F3: variants seen among roughly 807,000 people sequenced by gnomAD.
The protein encoded by F3 is tissue factor.
Under a neutral mutation model 33.5 loss-of-function variants are expected in F3, and 18 were observed. The observed-to-expected ratio is 0.54, with a 90% CI of 0.37 to 0.80. F3 has a LOEUF of 0.80. Ranked by LOEUF, F3 falls within the 30% of genes least tolerant of loss-of-function variation. The pLI, the probability that F3 is intolerant of heterozygous loss-of-function variation, is 0.00. For synonymous variants in F3, 147 were observed against 140.7 expected, an observed-to-expected ratio of 1.05 and a Z score of -0.32; for missense variants, 353 against 362.1, an observed-to-expected ratio of 0.97 and a Z score of 0.20.
intron 2 of F3, among the ~76,000 whole-genome samples, chr1:94,539,734 C>T (rs1651716532): frequency 6.6e-6 from 1 of 152,178 alleles, no homozygotes; most frequent in Non-Finnish European, 1.5e-5. Flanking sequence ...CTGCCAGGCT[C>T]AGTGAGTCAC....
At chr1:94,538,444 T>A (rs183024637) in intron 2 of F3, among the ~76,000 whole-genome samples, 1 of 152,218 alleles carries the variant, frequency 6.6e-6, no homozygotes, top group Admixed American at 6.5e-5. Flanking sequence ...GTGAGAGCAG[T>A]CGGGAGGGAA....
intron 5 of F3, among the ~76,000 whole-genome samples, chr1:94,531,197 C>A (rs116774766): frequency 1.3e-5 from 2 of 152,100 alleles, no homozygotes; most frequent in African/African-American, 4.8e-5. Flanking sequence ...GAAACCTCTC[C>A]TGTCAGTGGC....
chr1:94,530,504 C>T lies in F3; in HGVS notation c.844G>A (p.Val282Met). 1 of 1,614,154 alleles carries T rather than the reference C, an allele frequency of 6.2e-7. No homozygotes were observed. Among genetic ancestry groups the T allele is most frequent in the Non-Finnish European group, 8.5e-7 (1 of 1,180,026 alleles). ...GAGTTCTCCTTCCAGCTCTGCCCCA[C>T]TCCTGCCTTTCTACACTTGTGTAGA... ...ISLHKCRKAG[V>M]GQSWKENSPL... The change falls in exon 6 of 6, where the codon GTG (valine) becomes ATG (methionine). Residue 282 changes from valine (V) to methionine (M), a missense_variant. Physicochemically the swap from Val to Met is conservative, Grantham distance 21. Coordinates refer to ENST00000334047, the MANE Select transcript of F3 (RefSeq NM_001993.5).
In F3 at chr1:94,541,608, G is replaced by T; in HGVS notation, c.29C>A (p.Pro10Gln). 6.9e-7 allele frequency: 1 copy of T among 1,459,524 alleles called. No individual in the cohort carries two copies. The highest frequency in any genetic ancestry group is 1.5e-5 in the African/African-American group (1 of 68,202). The allele number at this position is 1,459,524 out of a possible 1,614,324, so 90.4% of individuals were successfully genotyped here. A position where few individuals can be genotyped will look rare whatever the true frequency, so the allele number is the denominator to read the frequency against. The change falls in exon 1 of 6, where the codon CCG (proline) becomes CAG (glutamine). Residue 10 changes from proline (P) to glutamine (Q), a missense_variant. By Grantham distance (76) the Pro-to-Gln change is moderately conservative. Transcript: ENST00000334047. METPAWPRV[P>Q]RPETAVARTL... ...CCGAGCGACGGCGGTCTCGGGGCGC[G>T]GGACCCGGGGCCAGGCAGGGGTCTC...
rs1310343459 is a variant in F3 at position 94,536,068 on chromosome 1, G to A, written c.309C>T (p.Tyr103=). ...DEIVKDVKQT[Y]LARVFSYPAG... ...CCGGGTAGGAGAAGACCCGTGCCAA[G>A]TACGTCTGCTTCACATCCTTCACAA... Residue 103 remains tyrosine, a synonymous_variant, in exon 3 of 6, where the codon TAC becomes TAT. Transcript: ENST00000334047. The A allele has an allele frequency of 6.2e-7, 1 of 1,614,140 alleles. No individual in the cohort carries two copies. Among genetic ancestry groups the A allele is most frequent in the Admixed American group, 1.7e-5 (1 of 60,028 alleles).
At chr1:94,541,485 C>T in intron 1 of F3, 52 bp downstream of exon 1, 1 of 1,347,860 alleles carries the variant, frequency 7.4e-7, no homozygotes, top group Non-Finnish European at 9.7e-7. Context: ...GGACTGTCGC[C>T]TCCCTCCTGC....
Position 94,538,479 on chromosome 1 carries a change from A to G in F3, c.212+1778T>C, listed in dbSNP as rs543810478. Among the ~76,000 whole-genome samples, 4 of 152,204 alleles carry G rather than the reference A, an allele frequency of 2.6e-5. No homozygotes were observed. The South Asian group carries it at 8.3e-4, about 31-fold the overall frequency. On this transcript the variant is annotated intron_variant, in intron 2 of 5. Coordinates refer to ENST00000334047, the MANE Select transcript of F3 (RefSeq NM_001993.5). ...AGAGGGGCAGCTGCTTAAGATGCTA[A>G]CTGTAGGGAGGGAAAACAGGCAGAG...
intron 3 of F3, among the ~76,000 whole-genome samples, chr1:94,535,463 C>A (rs1376379445): frequency 6.6e-6 from 1 of 151,958 alleles, no homozygotes; most frequent in African/African-American, 2.4e-5. Flanking sequence ...AAATCATGGC[C>A]AACTGATTAG....
At chr1:94,532,876 AG>A in intron 4 of F3, 1 of 584,506 alleles carries the variant, frequency 1.7e-6, no homozygotes, top group Non-Finnish European at 2.9e-6. Flanking sequence ...TGGGTCTCCG[AG>A]GGGGCCCTGC....
chr1:94,536,315 T>C (rs1445483378), intron 2 of F3, 151 bp from the exon 3 acceptor site: 7 of 694,972 alleles, frequency 1.0e-5, no homozygotes, highest in Non-Finnish European at 1.7e-5. Flanking sequence ...AGCACTTTGC[T>C]TTTTTTTAAA....
chr1:94,531,111 T>C (rs1183756400), intron 5 of F3, among the ~76,000 whole-genome samples: 3 of 152,066 alleles, frequency 2.0e-5, no homozygotes, highest in Non-Finnish European at 4.4e-5. Flanking sequence ...GCAGTGGAAT[T>C]AGAGCTAGGC....
Position 94,529,376 on chromosome 1 carries a change from A to C in F3, c.*1084T>G, listed in dbSNP as rs1025103112. The C allele has an allele frequency of 6.6e-6, 1 of 152,584 alleles. No individual in the cohort carries two copies. Among genetic ancestry groups the C allele is most frequent in the African/African-American group, 2.4e-5 (1 of 41,432 alleles). The allele number at this position is 152,584 out of a possible 1,614,324, so 9.5% of individuals were successfully genotyped here. A position where few individuals can be genotyped will look rare whatever the true frequency, so the allele number is the denominator to read the frequency against. ...AAATAAATTATCTCAATATATACAA[A>C]TAGAACAATATTACCTACATAAATA... On this transcript the variant is annotated 3_prime_UTR_variant, in exon 6 of 6. Coordinates refer to ENST00000334047, the MANE Select transcript of F3 (RefSeq NM_001993.5).
At position 94,539,032 on chromosome 1, in the gene F3, CA is replaced by C. The variant is rs3917607; in HGVS notation, c.212+1224del. 9.7e-3 allele frequency among the ~76,000 whole-genome samples: 1,480 copies of C among 152,276 alleles called. 30 individuals carry two copies. Among genetic ancestry groups the C allele is most frequent in the African/African-American group, 0.034 (1,433 of 41,556 alleles). On this transcript the variant is annotated intron_variant, in intron 2 of 5. Coordinates refer to ENST00000334047, the MANE Select transcript of F3 (RefSeq NM_001993.5). ...CATAAATATATTCCCATGTGTCCCT[CA>C]AATATTAGATTGAATATATTTAGGA...
At chr1:94,533,312 T>C in intron 3 of F3, 44 bp from the exon 4 acceptor site, 1 of 1,580,962 alleles carries the variant, frequency 6.3e-7, no homozygotes, top group Non-Finnish European at 8.6e-7. Flanking sequence ...AAGAATTCTG[T>C]ACAAAGTCAA....
chr1:94,532,703 A>G (rs1651466758), intron 4 of F3, among the ~76,000 whole-genome samples: 1 of 152,206 alleles, frequency 6.6e-6, no homozygotes, highest in African/African-American at 2.4e-5. Flanking sequence ...ATTGAACCCT[A>G]TTGAGCCCCT....
chr1:94,536,514 G>A (rs942226010), intron 2 of F3, among the ~76,000 whole-genome samples: 17 of 152,146 alleles, frequency 1.1e-4, no homozygotes, highest in African/African-American at 3.9e-4. Flanking sequence ...TACAAATAAG[G>A]CTACTGAGAC....
At chr1:94,531,127 G>A (rs1208727354) in intron 5 of F3, among the ~76,000 whole-genome samples, 1 of 152,128 alleles carries the variant, frequency 6.6e-6, no homozygotes, top group Non-Finnish European at 1.5e-5. Context: ...TAGGCTTTAG[G>A]ACAATGACTG....
chr1:94,540,209 A>G, intron 2 of F3, 48 bp downstream of exon 2: 3 of 1,132,772 alleles, frequency 2.6e-6, no homozygotes. Context: ...AGCATAGGAC[A>G]GTAGAAACAT....
chr1:94,529,428 TA>T lies in F3; in HGVS notation c.*1031del, dbSNP rs952676488. ...AAAATCCCCATATAGAAAACCTTTT[TA>T]AAAAATTATATATACAATGTCAACC... On this transcript the variant is annotated 3_prime_UTR_variant, in exon 6 of 6. Coordinates refer to ENST00000334047, the MANE Select transcript of F3 (RefSeq NM_001993.5). 1 of 152,588 alleles carries T rather than the reference TA, an allele frequency of 6.6e-6. No individual in the cohort carries two copies. The highest frequency in any genetic ancestry group is 6.5e-5 in the Admixed American group (1 of 15,274). The allele number at this position is 152,588 out of a possible 1,614,324, so 9.5% of individuals were successfully genotyped here. A position where few individuals can be genotyped will look rare whatever the true frequency, so the allele number is the denominator to read the frequency against.
Sources: gnomAD v4.1 joint callset for allele counts (sites outside exome capture counted in the v4.1 genomes callset) on GRCh38, gnomAD v4.1.1 for gene constraint, MANE v1.5 for transcripts, NCBI Gene and HGNC (gene_info 2026-07-23, HGNC 2026-07-21) for gene names.